The following YLPM1 variants were observed in gnomAD, a reference collection of about 807,000 sequenced individuals.
YLPM1 encodes YLP motif-containing protein 1.
In YLPM1, 99 loss-of-function variants were observed where a neutral mutation model predicts 230.0. That is an observed-to-expected ratio of 0.43 (90% CI 0.37 to 0.51). The LOEUF is 0.51. YLPM1 is among the 20% of genes least tolerant of loss of function. The pLI, the probability that YLPM1 is intolerant of heterozygous loss-of-function variation, is 0.00. For synonymous variants in YLPM1, 984 were observed against 942.5 expected (o/e 1.04, Z -0.81); for missense variants, 2,592 against 2,707.7 (o/e 0.96, Z 0.95).
chr14:74,828,881 C>A (rs922135354), intron 18 of YLPM1, among the ~76,000 whole-genome samples: 2 of 152,054 alleles, frequency 1.3e-5, no homozygotes, highest in East Asian at 1.9e-4. Flanking sequence ...CTAGAAAAGC[C>A]CAACTTTGCA....
At chr14:74,820,019 C>G (rs2091508661) in intron 16 of YLPM1, among the ~76,000 whole-genome samples, 2 of 152,170 alleles carry the variant, frequency 1.3e-5, no homozygotes, top group Admixed American at 1.3e-4. Flanking sequence ...ATATTACTAT[C>G]TAAATAGTAG....
intron 17 of YLPM1, 21 bp from the exon 18 acceptor site, chr14:74,824,235 T>G (rs1310849243): frequency 6.2e-7 from 1 of 1,610,812 alleles, no homozygotes; most frequent in African/African-American, 1.3e-5. Flanking sequence ...CCCTTCGAGC[T>G]TCTCTCTGTG....
At chr14:74,802,217 CAAAAAAA>C (rs34503917) in intron 5 of YLPM1, among the ~76,000 whole-genome samples, 1 of 95,058 alleles carries the variant, frequency 1.1e-5, no homozygotes, top group Admixed American at 1.0e-4. Flanking sequence ...GACTCTGTCT[CAAAAAAA>C]AAAAAAAAAA....
chr14:74,816,640 G>C lies in YLPM1; in HGVS notation c.5635G>C (p.Val1879Leu). ...CCTGGATGATTACTTCATCACTGAA[G>C]TGGAAAAAGAAGAAAAAGATCCAGA... ...LSLDDYFITE[V>L]EKEEKDPDSG... The change falls in exon 13 of 21, where the codon GTG becomes CTG. Residue 1879 changes from valine to leucine, a missense_variant. Physicochemically the swap from Val to Leu is conservative, Grantham distance 32. This residue lies in a region of YLPM1 where 315 missense variants were observed against 429.3 expected (regional missense o/e 0.73). Coordinates refer to ENST00000325680, the MANE Select transcript of YLPM1 (RefSeq NM_019589.3). 6.2e-7 allele frequency: 1 copy of C among 1,613,644 alleles called. No individual in the cohort carries two copies. The highest frequency in any genetic ancestry group is 8.5e-7 in the Non-Finnish European group (1 of 1,179,762).
rs1324370199 is a variant in YLPM1 at position 74,809,957 on chromosome 14, A to G, written c.4987A>G (p.Thr1663Ala). 2 of 1,609,838 alleles carry G rather than the reference A, an allele frequency of 1.2e-6. No homozygotes were observed. The highest frequency in any genetic ancestry group is 1.7e-6 in the Non-Finnish European group (2 of 1,177,866). Reference sequence around the variant, plus strand: ...ACAGATACCTTATGGAGAAAGAATAACTCTACGCCCAGATCCACTACCTGA... The same window carrying G: ...ACAGATACCTTATGGAGAAAGAATAGCTCTACGCCCAGATCCACTACCTGA... ...VEQIPYGERI[T>A]LRPDPLPERS... Residue 1663 changes from threonine (T) to alanine (A), a missense_variant, in exon 8 of 21, where the codon ACT becomes GCT. This residue lies in a region of YLPM1 where 403 missense variants were observed against 426.7 expected (regional missense o/e 0.94). Coordinates refer to ENST00000325680, the MANE Select transcript of YLPM1 (RefSeq NM_019589.3).
At chr14:74,821,005 T>C (rs2091516212) in intron 16 of YLPM1, 52 bp from the exon 17 acceptor site, 1 of 1,409,536 alleles carries the variant, frequency 7.1e-7, no homozygotes. Context: ...GGAGTCAATA[T>C]TTTGCTAAAT....
intron 4 of YLPM1, among the ~76,000 whole-genome samples, chr14:74,792,355 A>G (rs577184637): frequency 1.3e-5 from 2 of 152,288 alleles, no homozygotes; most frequent in East Asian, 3.9e-4. Context: ...AATCAAGTTT[A>G]CCTATCAAGC....
Position 74,781,991 on chromosome 14 carries a change from C to G in YLPM1, c.1948C>G (p.Pro650Ala), listed in dbSNP as rs376665155. 4 of 1,613,708 alleles carry G rather than the reference C, an allele frequency of 2.5e-6. No homozygotes were observed. Among genetic ancestry groups the G allele is most frequent in the African/African-American group, 1.3e-5 (1 of 74,890 alleles). ...QGIPPQLTAA[P>A]VPPASSSQSS... ...GATACCTCCTCAGTTAACAGCAGCC[C>G]CAGTTCCACCAGCCTCCAGTTCACA... is the stretch of plus-strand genomic sequence containing the variant. The change falls in exon 4 of 21, where the codon CCA (proline) becomes GCA (alanine). Residue 650 changes from proline to alanine, a missense_variant. Pro to Ala is a conservative substitution (Grantham distance 27). This residue lies in a region of YLPM1 where 1,862 missense variants were observed against 1,819.8 expected (regional missense o/e 1.02). Transcript: ENST00000325680.
Position 74,764,182 on chromosome 14 carries a change from T to C in YLPM1, c.693T>C (p.Ser231=), listed in dbSNP as rs1160399902. The C allele has an allele frequency of 2.5e-6, 4 of 1,612,758 alleles. No individual in the cohort carries two copies. In the East Asian group the frequency reaches 8.9e-5, roughly 36 times the overall value. The part of the protein sequence containing the change: ...SQSYLPSSQA[S]PSRPSQGHSK... ...CCTACTTGCCCTCTTCTCAGGCATC[T>C]CCTTCCCGCCCCTCCCAGGGCCATT... is the stretch of plus-strand genomic sequence containing the variant. The change falls in exon 1 of 21, where the codon TCT becomes TCC. Residue 231 remains serine (S), a synonymous_variant. Coordinates refer to ENST00000325680, the MANE Select transcript of YLPM1 (RefSeq NM_019589.3).
intron 4 of YLPM1, among the ~76,000 whole-genome samples, chr14:74,785,145 T>A (rs61187562): frequency 0.012 from 1,802 of 152,330 alleles, 47 homozygotes; most frequent in African/African-American, 0.042. Flanking sequence ...CCTGAACTTG[T>A]GTGGTTGGTT....
intron 1 of YLPM1, among the ~76,000 whole-genome samples, chr14:74,766,064 C>T (rs1164816081): frequency 6.6e-6 from 1 of 152,200 alleles, no homozygotes; most frequent in Non-Finnish European, 1.5e-5. Flanking sequence ...TGCTTGTGCT[C>T]ACCCATCTGG....
chr14:74,808,435 A>G (rs2091399895), intron 6 of YLPM1, among the ~76,000 whole-genome samples: 1 of 152,192 alleles, frequency 6.6e-6, no homozygotes, highest in South Asian at 2.1e-4. Flanking sequence ...GTTTGTGTGC[A>G]AGTCTTTGGA....
chr14:74,792,211 C>T (rs905095271), intron 4 of YLPM1, among the ~76,000 whole-genome samples: 10 of 152,150 alleles, frequency 6.6e-5, no homozygotes, highest in South Asian at 2.1e-4. Context: ...CACCTTCTTT[C>T]GCCTTTGCCC....
intron 1 of YLPM1, among the ~76,000 whole-genome samples, chr14:74,768,455 C>T (rs1360629936): frequency 6.6e-6 from 1 of 152,130 alleles, no homozygotes; most frequent in Admixed American, 6.6e-5. Flanking sequence ...CCATGTTGGT[C>T]AGGCTGGTCT....
intron 1 of YLPM1, among the ~76,000 whole-genome samples, chr14:74,764,652 T>G (rs934893070): frequency 6.6e-6 from 1 of 152,230 alleles, no homozygotes; most frequent in African/African-American, 2.4e-5. Flanking sequence ...CTCTTAGATT[T>G]TGTTGCTGTT....
rs551094731 is a variant in YLPM1 at position 74,797,777 on chromosome 14, C to T, written c.2480C>T (p.Ser827Phe). The T allele has an allele frequency of 2.5e-6, 4 of 1,613,864 alleles. No homozygotes were observed. The highest frequency in any genetic ancestry group is 1.1e-5 in the South Asian group (1 of 91,074). ...CAATTTTATATTACCCCCAGTACAT[C>T]CCTAAGTCCTCGACAGAGTGGACCA... ...ASQFYITPST[S>F]LSPRQSGPQW... The change falls in exon 5 of 21, where the codon TCC (serine) becomes TTC (phenylalanine). Residue 827 changes from serine (S) to phenylalanine (F), a missense_variant. Ser to Phe is a radical substitution (Grantham distance 155). Around this residue, in one of 4 missense-constraint regions of YLPM1, gnomAD observed 1,862 missense variants for 1,819.8 expected, o/e 1.02. Transcript: ENST00000325680.
In YLPM1 at chr14:74,799,131, C is replaced by T. The variant is rs1173555683; in HGVS notation, c.3834C>T (p.Tyr1278=). The change falls in exon 5 of 21, where the codon TAC becomes TAT. Residue 1278 remains tyrosine, a synonymous_variant. Transcript: ENST00000325680. ...WERDQDMDED[Y]NREMERDMDR... is the part of the protein sequence containing the mutation. Reference sequence around the variant, plus strand: ...GAGACCAGGATATGGATGAGGACTACAATAGGGAAATGGAAAGGGACATGG... The same window carrying T: ...GAGACCAGGATATGGATGAGGACTATAATAGGGAAATGGAAAGGGACATGG... 6.2e-7 allele frequency: 1 copy of T among 1,613,656 alleles called. No homozygotes were observed. The highest frequency in any genetic ancestry group is 8.5e-7 in the Non-Finnish European group (1 of 1,179,800).
In YLPM1 at chr14:74,808,606, C is replaced by G. The variant is rs887100529; in HGVS notation, c.4522-774C>G. The stretch of plus-strand genomic sequence containing the variant: ...TCGCCTGAGGTCAGGAGTTCGAGAC[C>G]AGCCTGACCAACATAGTGAAACCCC... On this transcript the variant is annotated intron_variant, in intron 6 of 20. Transcript: ENST00000325680. Among the ~76,000 whole-genome samples the G allele has an allele frequency of 9.9e-5, 15 of 151,890 alleles. No homozygotes were observed. The East Asian group carries it at 1.2e-3, about 12-fold the overall frequency.
intron 16 of YLPM1, among the ~76,000 whole-genome samples, chr14:74,819,771 T>G (rs1195866474): frequency 6.6e-6 from 1 of 152,178 alleles, no homozygotes; most frequent in African/African-American, 2.4e-5. Flanking sequence ...AAAAAACATA[T>G]TTTTCTCTTG....
Sources: gnomAD v4.1 joint callset for allele counts (sites outside exome capture counted in the v4.1 genomes callset) on GRCh38, gnomAD v4.1.1 for gene constraint, gnomAD v4.1.1 regional missense constraint, MANE v1.5 for transcripts, NCBI Gene and HGNC (gene_info 2026-07-23, HGNC 2026-07-21) for gene names.